THSD7B: variants seen among roughly 807,000 people sequenced by gnomAD.
THSD7B encodes thrombospondin type 1 domain containing 7B.
A neutral mutation model predicts 213.6 loss-of-function variants in THSD7B; 138 were observed. The ratio of observed to expected loss-of-function variants is 0.65; its 90% CI spans 0.56 to 0.74. THSD7B has a LOEUF of 0.74. THSD7B is among the 30% of genes least tolerant of loss of function. The probability of loss-of-function intolerance (pLI) is 0.00; values close to 1 mark genes in which losing one functional copy is unlikely to be tolerated. For missense variants in THSD7B, 1,931 were observed against 1,991.5 expected (o/e 0.97, Z 0.58); for synonymous variants, 742 against 687.0 (o/e 1.08, Z -1.25).
chr2:137,612,939 G>A (rs1342640955), intron 17 of THSD7B, among the ~76,000 whole-genome samples: 1 of 152,088 alleles, frequency 6.6e-6, no homozygotes, highest in Non-Finnish European at 1.5e-5. Flanking sequence ...CACCCAGGTG[G>A]CAGAACCTTC....
At chr2:137,017,789 A>G (rs973332459) in intron 2 of THSD7B, among the ~76,000 whole-genome samples, 3 of 152,142 alleles carry the variant, frequency 2.0e-5, no homozygotes, top group Non-Finnish European at 4.4e-5. Flanking sequence ...AGAGTTGCAC[A>G]TAATCATTTG....
intron 1 of THSD7B, among the ~76,000 whole-genome samples, chr2:136,777,864 G>C (rs1681643772): frequency 6.6e-6 from 1 of 152,160 alleles, no homozygotes. Flanking sequence ...AAGAAACCCT[G>C]TTAACTCTGC....
At chr2:137,296,908 A>G (rs1683478616) in intron 12 of THSD7B, among the ~76,000 whole-genome samples, 1 of 151,882 alleles carries the variant, frequency 6.6e-6, no homozygotes. Context: ...TCTCTCCTCA[A>G]CTGAAAAGAC....
At chr2:136,795,615 T>C (rs183670726) in intron 1 of THSD7B, among the ~76,000 whole-genome samples, 5 of 151,948 alleles carry the variant, frequency 3.3e-5, no homozygotes, top group Non-Finnish European at 1.5e-5. Context: ...ACAATTTTTG[T>C]CTTTTAATTT....
chr2:137,149,582 G>A (rs1679773584), intron 5 of THSD7B, among the ~76,000 whole-genome samples: 1 of 152,212 alleles, frequency 6.6e-6, no homozygotes, highest in African/African-American at 2.4e-5. Flanking sequence ...AAGTCACAGG[G>A]GTGGAGCTGC....
chr2:136,781,427 G>C (rs1421723321), intron 1 of THSD7B, among the ~76,000 whole-genome samples: 1 of 147,626 alleles, frequency 6.8e-6, no homozygotes, highest in Non-Finnish European at 1.5e-5. Context: ...ACCATGCCCG[G>C]CTAATTTTTT....
intron 12 of THSD7B, among the ~76,000 whole-genome samples, chr2:137,283,883 A>G (rs1237826447): frequency 1.3e-5 from 2 of 151,990 alleles, no homozygotes; most frequent in African/African-American, 4.8e-5. Flanking sequence ...ATCTCTTCCC[A>G]GCTTTGGTAT....
At chr2:137,187,924 G>A (rs1367996995) in intron 7 of THSD7B, among the ~76,000 whole-genome samples, 1 of 147,930 alleles carries the variant, frequency 6.8e-6, no homozygotes, top group Non-Finnish European at 1.5e-5. Context: ...CCTGATCTGA[G>A]ATTTTAATAT....
chr2:137,290,822 G>A (rs185653055), intron 12 of THSD7B, among the ~76,000 whole-genome samples: 94 of 152,162 alleles, frequency 6.2e-4, no homozygotes, highest in Middle Eastern at 3.4e-3. Flanking sequence ...ATCAGGCTTG[G>A]AATCCCGTCT....
chr2:137,595,328 C>A (rs562501098), intron 17 of THSD7B, among the ~76,000 whole-genome samples: 50 of 151,954 alleles, frequency 3.3e-4, no homozygotes, highest in Non-Finnish European at 5.3e-4. Context: ...TCTTTATATA[C>A]CACATCTTCT....
chr2:137,176,362 GTAAC>G (rs1420606011), intron 7 of THSD7B, among the ~76,000 whole-genome samples: 2 of 152,146 alleles, frequency 1.3e-5, no homozygotes. Flanking sequence ...TTTTAAGAAA[GTAAC>G]TATCATTTTT....
chr2:137,186,024 T>C (rs1397022736), intron 7 of THSD7B, among the ~76,000 whole-genome samples: 27 of 152,224 alleles, frequency 1.8e-4, no homozygotes, highest in Non-Finnish European at 1.5e-5. Flanking sequence ...TGTCCACTTG[T>C]ATATCTTCTT....
At chr2:137,431,994 A>G (rs572102203) in intron 14 of THSD7B, among the ~76,000 whole-genome samples, 46 of 152,234 alleles carry the variant, frequency 3.0e-4, no homozygotes, top group Non-Finnish European at 3.8e-4. Flanking sequence ...TGCAAAATTC[A>G]GCTGAACTAC....
At chr2:137,256,382 T>TC (rs1682310085) in intron 10 of THSD7B, among the ~76,000 whole-genome samples, 2 of 151,820 alleles carry the variant, frequency 1.3e-5, no homozygotes, top group African/African-American at 4.8e-5. Context: ...AAGAAGGGAG[T>TC]CCTGTGATTG....
intron 24 of THSD7B, among the ~76,000 whole-genome samples, chr2:137,658,453 A>T (rs985876785): frequency 2.6e-5 from 4 of 152,222 alleles, no homozygotes; most frequent in African/African-American, 9.7e-5. Context: ...GCTTAATTTA[A>T]TTCTTAGAAT....
At chr2:137,274,701 T>C (rs1682827672) in intron 11 of THSD7B, among the ~76,000 whole-genome samples, 1 of 152,098 alleles carries the variant, frequency 6.6e-6, no homozygotes, top group African/African-American at 2.4e-5. Context: ...AAACTCAATT[T>C]AAGGAAATTG....
intron 10 of THSD7B, among the ~76,000 whole-genome samples, chr2:137,267,944 A>G (rs957697947): frequency 6.6e-6 from 1 of 152,170 alleles, no homozygotes; most frequent in African/African-American, 2.4e-5. Context: ...GAGAGCTACT[A>G]CTTGGCCTTT....
chr2:136,839,460 A>G (rs1682891035), intron 1 of THSD7B, among the ~76,000 whole-genome samples: 3 of 152,218 alleles, frequency 2.0e-5, no homozygotes, highest in African/African-American at 7.2e-5. Flanking sequence ...ATTTGTAGTA[A>G]TAATAATAAA....
intron 17 of THSD7B, among the ~76,000 whole-genome samples, chr2:137,600,891 G>C (rs915696341): frequency 6.6e-6 from 1 of 152,104 alleles, no homozygotes; most frequent in Non-Finnish European, 1.5e-5. Flanking sequence ...AAGACAGGGA[G>C]GTGGAAGACA....
Sources: gnomAD v4.1 joint callset for allele counts (sites outside exome capture counted in the v4.1 genomes callset) on GRCh38, gnomAD v4.1.1 for gene constraint, MANE v1.5 for transcripts, NCBI Gene and HGNC (gene_info 2026-07-23, HGNC 2026-07-21) for gene names.